ZDHHC6: variants seen among roughly 807,000 people sequenced by gnomAD.
The protein encoded by ZDHHC6 is zDHHC palmitoyltransferase 6.
ZDHHC6 carries 32 observed loss-of-function variants against 57.8 expected under a neutral mutation model. The observed-to-expected ratio is 0.55, with a 90% CI of 0.42 to 0.74. The LOEUF is 0.74. Ranked by LOEUF, ZDHHC6 falls within the 30% of genes least tolerant of loss-of-function variation. The probability of loss-of-function intolerance (pLI) is 0.00; values close to 1 mark genes in which losing one functional copy is unlikely to be tolerated. For missense variants in ZDHHC6, 433 were observed against 500.7 expected, an observed-to-expected ratio of 0.86 and a Z score of 1.29; for synonymous variants, 128 against 158.0, an observed-to-expected ratio of 0.81 and a Z score of 1.42.
intron 1 of ZDHHC6, 131 bp from the exon 2 acceptor site, chr10:112,445,781 A>G (rs1162020125): frequency 2.5e-6 from 1 of 403,254 alleles, no homozygotes; most frequent in Non-Finnish European, 4.4e-6. Context: ...TTTGGGATGC[A>G]TATCTTGTCA....
intron 5 of ZDHHC6, among the ~76,000 whole-genome samples, chr10:112,438,966 G>C (rs552761238): frequency 6.6e-6 from 1 of 152,090 alleles, no homozygotes; most frequent in Non-Finnish European, 1.5e-5. Context: ...TTCTAAATTA[G>C]AGGCATTGGG....
At chr10:112,435,616 G>A (rs1214857618) in intron 6 of ZDHHC6, among the ~76,000 whole-genome samples, 2 of 152,164 alleles carry the variant, frequency 1.3e-5, no homozygotes, top group East Asian at 3.8e-4. Context: ...TGATATTAAA[G>A]TTAACTATTT....
chr10:112,425,205 A>C (rs1273904271), exon 12 of ZDHHC6: 2 of 760,522 alleles, frequency 2.6e-6, no homozygotes, highest in Non-Finnish European at 4.1e-6. Flanking sequence ...CAAGAAAGAG[A>C]AATGAAAGAC....
chr10:112,444,399 T>C (rs1433240422), intron 2 of ZDHHC6, among the ~76,000 whole-genome samples: 1 of 152,232 alleles, frequency 6.6e-6, no homozygotes, highest in East Asian at 1.9e-4. Flanking sequence ...TTCTACTTTA[T>C]AGTTTAGTGA....
intron 5 of ZDHHC6, among the ~76,000 whole-genome samples, chr10:112,439,436 G>C (rs978158710): frequency 2.6e-5 from 4 of 151,666 alleles, no homozygotes. Flanking sequence ...TTCAAGACCA[G>C]CCTGGCCAAG....
At chr10:112,426,150 T>C (rs768935486), downstream of ZDHHC6, 20 of 844,688 alleles carry the variant, frequency 2.4e-5, no homozygotes, top group Non-Finnish European at 3.4e-5. Context: ...ATTTAAGGTT[T>C]TGGGGAAATA....
chr10:112,438,693 CA>C (rs1419434761), intron 5 of ZDHHC6, among the ~76,000 whole-genome samples: 5 of 152,048 alleles, frequency 3.3e-5, no homozygotes, highest in African/African-American at 9.7e-5. Flanking sequence ...TTTAATAAAA[CA>C]TTGATATAAT....
chr10:112,426,970 GT>G, downstream of ZDHHC6: 1 of 1,079,860 alleles, frequency 9.3e-7, no homozygotes, highest in South Asian at 1.4e-5. Context: ...TTTAGATTTT[GT>G]GCCATTAACT....
In ZDHHC6 at chr10:112,433,243, TCTGA is replaced by T; in HGVS notation, c.938_941del (p.Val313GlufsTer7). On this transcript the variant is annotated frameshift_variant, in exon 8 of 11. Transcript: ENST00000369405. LOFTEE classifies it high-confidence loss of function. ...CCACTGCAAAAGAAGTACTTACACT[TCTGA>T]CTCTCTTATCTGCTTTTTGTTTCAA... 1.3e-6 allele frequency: 2 copies of T among 1,591,352 alleles called. No homozygotes were observed. The highest frequency in any genetic ancestry group is 1.7e-6 in the Non-Finnish European group (2 of 1,171,538).
At chr10:112,436,731 C>A (rs1258744554) in intron 6 of ZDHHC6, among the ~76,000 whole-genome samples, 1 of 152,176 alleles carries the variant, frequency 6.6e-6, no homozygotes, top group Non-Finnish European at 1.5e-5. Flanking sequence ...GGCAGTGGCA[C>A]CAAACTGTGT....
At chr10:112,426,198 TG>T, downstream of ZDHHC6, 1 of 1,338,678 alleles carries the variant, frequency 7.5e-7, no homozygotes, top group Non-Finnish European at 1.1e-6. Context: ...ATTTAACTAC[TG>T]GGGGACATCC....
chr10:112,436,826 A>G (rs988712502), intron 6 of ZDHHC6, among the ~76,000 whole-genome samples: 13 of 152,184 alleles, frequency 8.5e-5, no homozygotes, highest in African/African-American at 3.1e-4. Context: ...CTCAACTCTC[A>G]AGGAGATGTC....
downstream of ZDHHC6, chr10:112,426,168 C>T: frequency 9.9e-7 from 1 of 1,008,902 alleles, no homozygotes; most frequent in Non-Finnish European, 1.5e-6. Flanking sequence ...ATAACTATTA[C>T]AATGACATAA....
intron 6 of ZDHHC6, among the ~76,000 whole-genome samples, chr10:112,437,239 T>C (rs1845629903): frequency 6.6e-6 from 1 of 152,124 alleles, no homozygotes; most frequent in Non-Finnish European, 1.5e-5. Context: ...TATACGTGAA[T>C]GCAATTTTGG....
At chr10:112,443,644 T>C (rs1425794223) in intron 2 of ZDHHC6, 38 bp from the exon 3 acceptor site, 2 of 1,499,802 alleles carry the variant, frequency 1.3e-6, no homozygotes, top group East Asian at 4.5e-5. Flanking sequence ...CATCATCGGA[T>C]ACTTGAATAT....
chr10:112,427,399 TTG>T (rs761801051), downstream of ZDHHC6: 1 of 1,525,854 alleles, frequency 6.6e-7, no homozygotes, highest in South Asian at 1.3e-5. Context: ...TGTGCACTGC[TTG>T]TGAGAAAATG....
downstream of ZDHHC6, among the ~76,000 whole-genome samples, chr10:112,428,829 G>C (rs1844841517): frequency 6.6e-6 from 1 of 152,100 alleles, no homozygotes; most frequent in Non-Finnish European, 1.5e-5. Flanking sequence ...CCACTCCAGG[G>C]ATTCTGGCTT....
chr10:112,432,913 A>G (rs1239073484), intron 8 of ZDHHC6, among the ~76,000 whole-genome samples: 1 of 152,204 alleles, frequency 6.6e-6, no homozygotes, highest in African/African-American at 2.4e-5. Flanking sequence ...TAATTTTAAC[A>G]AATTTAAATA....
chr10:112,432,109 C>A (rs1845096007), intron 10 of ZDHHC6, 131 bp downstream of exon 10: 2 of 823,844 alleles, frequency 2.4e-6, no homozygotes, highest in Non-Finnish European at 3.7e-6. Flanking sequence ...CCTTTTGTTG[C>A]TTAGTGATAT....
Sources: gnomAD v4.1 joint callset for allele counts (sites outside exome capture counted in the v4.1 genomes callset) on GRCh38, gnomAD v4.1.1 for gene constraint, MANE v1.5 for transcripts, NCBI Gene and HGNC (gene_info 2026-07-23, HGNC 2026-07-21) for gene names.